SLC26A4: variants seen among roughly 807,000 people sequenced by gnomAD.
SLC26A4 encodes pendrin.
Under a neutral mutation model 90.4 loss-of-function variants are expected in SLC26A4, and 93 were observed. The observed-to-expected ratio is 1.03, with a 90% CI of 0.87 to 1.22. The LOEUF (loss-of-function observed/expected upper bound fraction) is 1.22, where lower values mean the gene tolerates loss of function less well. SLC26A4 is among the 50% of genes most tolerant of loss of function. The probability of loss-of-function intolerance (pLI) is 0.00; values close to 1 mark genes in which losing one functional copy is unlikely to be tolerated. For missense variants in SLC26A4, 1,127 were observed against 946.2 expected (o/e 1.19, Z -2.51); for synonymous variants, 393 against 354.6 (o/e 1.11, Z -1.22).
intron 15 of SLC26A4, 112 bp from the exon 16 acceptor site, chr7:107,700,989 A>G: frequency 1.4e-6 from 1 of 732,140 alleles, no homozygotes; most frequent in Non-Finnish European, 2.5e-6. Flanking sequence ...CTTTTTTGGC[A>G]GGATAGCTCA....
chr7:107,684,954 T>C (rs1014854814), intron 8 of SLC26A4, among the ~76,000 whole-genome samples: 3 of 152,158 alleles, frequency 2.0e-5, no homozygotes, highest in African/African-American at 7.2e-5. Context: ...AACTCATTTC[T>C]TCTGCCCTAA....
intron 18 of SLC26A4, among the ~76,000 whole-genome samples, chr7:107,707,382 C>T (rs1302692142): frequency 2.6e-5 from 4 of 152,176 alleles, no homozygotes; most frequent in African/African-American, 9.7e-5. Flanking sequence ...TTATTAGAAA[C>T]CTGTATTTGT....
chr7:107,669,564 C>T (rs1051818806), intron 3 of SLC26A4, among the ~76,000 whole-genome samples: 6 of 152,160 alleles, frequency 3.9e-5, no homozygotes, highest in Non-Finnish European at 7.4e-5. Flanking sequence ...GTTGGGACTA[C>T]TGACTATTGC....
chr7:107,682,772 T>C (rs1454236284), intron 6 of SLC26A4, among the ~76,000 whole-genome samples: 1 of 152,146 alleles, frequency 6.6e-6, no homozygotes, highest in Non-Finnish European at 1.5e-5. Context: ...ATCACTGTAG[T>C]AAAAATCAGG....
chr7:107,704,489 C>G, intron 18 of SLC26A4, 104 bp downstream of exon 18: 1 of 585,918 alleles, frequency 1.7e-6, no homozygotes, highest in Non-Finnish European at 3.1e-6. Context: ...TTTTTTTTTT[C>G]TTTTAAAGAT....
At chr7:107,674,861 T>C in intron 5 of SLC26A4, 84 bp from the exon 6 acceptor site, 2 of 1,313,396 alleles carry the variant, frequency 1.5e-6, no homozygotes, top group East Asian at 2.3e-5. Flanking sequence ...TTTTCATTGG[T>C]ATTAAGCTTG....
chr7:107,713,772 T>C (rs527473436), intron 20 of SLC26A4, among the ~76,000 whole-genome samples: 2 of 152,194 alleles, frequency 1.3e-5, no homozygotes, highest in Non-Finnish European at 2.9e-5. Context: ...GGCATTTTCA[T>C]ACAAGCTATG....
chr7:107,663,969 C>T (rs980990565), intron 3 of SLC26A4, among the ~76,000 whole-genome samples: 1 of 152,018 alleles, frequency 6.6e-6, no homozygotes, highest in Non-Finnish European at 1.5e-5. Flanking sequence ...AGGCGTGAGC[C>T]ACTGCACCCA....
intron 10 of SLC26A4, among the ~76,000 whole-genome samples, chr7:107,692,384 G>A (rs1401300691): frequency 6.6e-6 from 1 of 152,126 alleles, no homozygotes; most frequent in Non-Finnish European, 1.5e-5. Flanking sequence ...TGGAACTTCA[G>A]TTTCAGCATC....
chr7:107,699,093 C>T (rs555294960), intron 14 of SLC26A4, among the ~76,000 whole-genome samples: 11 of 152,106 alleles, frequency 7.2e-5, no homozygotes, highest in Admixed American at 2.0e-4. Context: ...AATTTATTTC[C>T]GTGATCTTTC....
intron 4 of SLC26A4, 55 bp downstream of exon 4, chr7:107,672,303 T>C: frequency 8.9e-7 from 1 of 1,123,166 alleles, no homozygotes. Context: ...GTGTTTTGGC[T>C]ATATTAAGTG....
chr7:107,700,236 C>T (rs1221879294), intron 15 of SLC26A4, 61 bp downstream of exon 15: 3 of 837,834 alleles, frequency 3.6e-6, no homozygotes, highest in South Asian at 1.4e-5. Flanking sequence ...ATTCATTCTA[C>T]AAGTATTTAC....
At chr7:107,695,744 T>C (rs1366046157) in intron 12 of SLC26A4, among the ~76,000 whole-genome samples, 189 bp from the exon 13 acceptor site, 1 of 151,898 alleles carries the variant, frequency 6.6e-6, no homozygotes, top group Non-Finnish European at 1.5e-5. Flanking sequence ...ATCCAGAAGA[T>C]GGAGGCTGCA....
chr7:107,715,733 T>G lies in SLC26A4; in HGVS notation c.*287T>G. 57 of 463,572 alleles carry G rather than the reference T, an allele frequency of 1.2e-4. No individual in the cohort carries two copies. The highest frequency in any genetic ancestry group is 2.8e-4 in the East Asian group (7 of 24,978). 28.7% of individuals were successfully genotyped at this position (463,572 alleles called of 1,614,324 possible). ...TTGCTAATAATGTTCACGTGGGCCCTGGCATATCTCTGTTCAGTTAGAGTG... is the reference window on the plus strand; with the variant it reads ...TTGCTAATAATGTTCACGTGGGCCCGGGCATATCTCTGTTCAGTTAGAGTG... On this transcript the variant is annotated 3_prime_UTR_variant, in exon 21 of 21. Transcript: ENST00000644269.
intron 6 of SLC26A4, among the ~76,000 whole-genome samples, chr7:107,675,573 T>C (rs560131265): frequency 2.1e-5 from 3 of 139,596 alleles, no homozygotes; most frequent in African/African-American, 8.2e-5. Flanking sequence ...TTTCTTTCTT[T>C]CTTTTTTTTT....
At chr7:107,668,978 T>C (rs1370531812) in intron 3 of SLC26A4, among the ~76,000 whole-genome samples, 6 of 152,166 alleles carry the variant, frequency 3.9e-5, no homozygotes, top group African/African-American at 1.4e-4. Flanking sequence ...ATTTTTTTTC[T>C]TTTTTGAGAC....
At chr7:107,705,686 A>T (rs1052397316) in intron 18 of SLC26A4, among the ~76,000 whole-genome samples, 2 of 152,214 alleles carry the variant, frequency 1.3e-5, no homozygotes, top group African/African-American at 4.8e-5. Context: ...GAAGCTACTC[A>T]TTGTGAAGTT....
At chr7:107,677,499 G>A (rs985716757) in intron 6 of SLC26A4, among the ~76,000 whole-genome samples, 1 of 151,876 alleles carries the variant, frequency 6.6e-6, no homozygotes, top group Non-Finnish European at 1.5e-5. Context: ...TCATTTCCTC[G>A]GGACCCAGCC....
rs1427714352 is a variant in SLC26A4, at chr7:107,717,704, C to A, written c.*2258C>A. 1 of 152,488 alleles carries A rather than the reference C, an allele frequency of 6.6e-6. No homozygotes were observed. The highest frequency in any genetic ancestry group is 1.5e-5 in the Non-Finnish European group (1 of 68,010). The allele number at this position is 152,488 out of a possible 1,614,324, so 9.4% of individuals were successfully genotyped here. A position where few individuals can be genotyped will look rare whatever the true frequency, so the allele number is the denominator to read the frequency against. ...TTCCAGTATTGTATATGAGTTTTAA[C>A]AAATTAAAAAATCAAATCATGTACA... On this transcript the variant is annotated 3_prime_UTR_variant, in exon 21 of 21. Transcript: ENST00000644269.
Sources: gnomAD v4.1 joint callset for allele counts (sites outside exome capture counted in the v4.1 genomes callset) on GRCh38, gnomAD v4.1.1 for gene constraint, MANE v1.5 for transcripts, NCBI Gene and HGNC (gene_info 2026-07-23, HGNC 2026-07-21) for gene names.